Variants in NBPF12 observed in about 807,000 individuals in gnomAD.
The protein encoded by NBPF12 is NBPF member 12.
In NBPF12, 115 loss-of-function variants were observed where a neutral mutation model predicts 146.4. That is an observed-to-expected ratio of 0.79 (90% CI 0.68 to 0.92). NBPF12 has a LOEUF of 0.92. Ranked by LOEUF, NBPF12 falls within the 40% of genes least tolerant of loss-of-function variation. The pLI, the probability that NBPF12 is intolerant of heterozygous loss-of-function variation, is 0.00. For missense variants in NBPF12, 1,205 were observed against 1,326.8 expected (o/e 0.91, Z 1.43); for synonymous variants, 385 against 508.9 (o/e 0.76, Z 3.28).
chr1:146,939,351 G>A (rs1654689474), intron 1 of NBPF12, among the ~76,000 whole-genome samples: 1 of 152,078 alleles, frequency 6.6e-6, no homozygotes, highest in Non-Finnish European at 1.5e-5. Flanking sequence ...ACTTGGGCAA[G>A]AGCGCTCGCG....
chr1:146,978,671 C>T (rs1291416181), intron 18 of NBPF12, among the ~76,000 whole-genome samples: 4 of 149,872 alleles, frequency 2.7e-5, no homozygotes, highest in Admixed American at 1.4e-4. Context: ...ATTGTTTGAC[C>T]AATTTTTGGA....
At chr1:146,945,104 C>G (rs1654989465), upstream of NBPF12, among the ~76,000 whole-genome samples, 1 of 147,678 alleles carries the variant, frequency 6.8e-6, no homozygotes, top group Non-Finnish European at 1.5e-5. Flanking sequence ...CCTTCCCTCC[C>G]TCCCTCCATT....
At chr1:146,946,655 C>T (rs2101815407), upstream of NBPF12, among the ~76,000 whole-genome samples, 1 of 146,174 alleles carries the variant, frequency 6.8e-6, no homozygotes, top group Admixed American at 6.9e-5. Flanking sequence ...ATTCTCTTAA[C>T]AGTGTCTTTC....
At chr1:146,977,929 G>C (rs1464986608) in intron 18 of NBPF12, among the ~76,000 whole-genome samples, 33 of 152,134 alleles carry the variant, frequency 2.2e-4, no homozygotes, top group African/African-American at 4.6e-4. Context: ...GGCAGTATCT[G>C]TCAGGCCTCC....
At chr1:146,948,716 C>T (rs1232954492), upstream of NBPF12, among the ~76,000 whole-genome samples, 4 of 151,840 alleles carry the variant, frequency 2.6e-5, no homozygotes, top group East Asian at 1.9e-4. Context: ...GACTGTCCCC[C>T]AGCCCGACAC....
Position 146,966,449 on chromosome 1 carries a change from C to G in NBPF12, c.779-15C>G, listed in dbSNP as rs1189219929. ...AGTTTTTAACCCATCATGTGTTTGC[C>G]TTTCTTCTCCCCAGTCCCTGGCCCC... On this transcript the variant is annotated splice_polypyrimidine_tract_variant and intron_variant, in intron 8 of 33. Coordinates refer to ENST00000617844, the Ensembl canonical transcript of NBPF12. The G allele has an allele frequency of 2.3e-4, 310 of 1,345,666 alleles. No individual in the cohort carries two copies. Among genetic ancestry groups the G allele is most frequent in the Non-Finnish European group, 3.0e-4 (283 of 938,950 alleles). 83.4% of individuals were successfully genotyped at this position (1,345,666 alleles called of 1,614,324 possible).
intron 11 of NBPF12, among the ~76,000 whole-genome samples, chr1:146,970,121 C>T (rs1466075474): frequency 6.6e-6 from 1 of 150,532 alleles, no homozygotes; most frequent in African/African-American, 2.5e-5. Context: ...TTGGGGAAGG[C>T]ACTTGATGTG....
exon 13 of NBPF12, chr1:146,971,327 C>T: frequency 4.3e-6 from 7 of 1,612,184 alleles, no homozygotes; most frequent in Non-Finnish European, 5.9e-6. Flanking sequence ...ACAAAGTCAA[C>T]TCATCTCTGG....
intron 2 of NBPF12, among the ~76,000 whole-genome samples, chr1:146,955,792 G>C (rs1655557894): frequency 6.6e-6 from 1 of 151,602 alleles, no homozygotes; most frequent in Non-Finnish European, 1.5e-5. Flanking sequence ...AGTCCCTTCA[G>C]ATCTCCAATA....
rs1655895734 is a variant in NBPF12 at position 146,962,274 on chromosome 1, C to G, written c.278+11C>G. The G allele has an allele frequency of 1.9e-6, 3 of 1,600,918 alleles. No individual in the cohort carries two copies. The highest frequency in any genetic ancestry group is 4.5e-5 in the East Asian group (2 of 44,870). On this transcript the variant is annotated intron_variant, in intron 5 of 33. Transcript: ENST00000617844. The stretch of plus-strand genomic sequence containing the variant: ...AGCTGAGGAGCTCAGGTGAGGGGAC[C>G]CCATGGGGGGAGGCAGGCGGGTAGG...
chr1:146,977,110 G>A, intron 17 of NBPF12, 109 bp downstream of exon 20: 4 of 754,252 alleles, frequency 5.3e-6, no homozygotes, highest in Middle Eastern at 3.7e-4. Flanking sequence ...CATTCGCTTG[G>A]CCACAGTATG....
chr1:146,986,056 G>T (rs1657735644), intron 23 of NBPF12, among the ~76,000 whole-genome samples: 2 of 151,932 alleles, frequency 1.3e-5, no homozygotes, highest in African/African-American at 4.9e-5. Flanking sequence ...TGTTCACTGT[G>T]TGTCCCGAGG....
chr1:146,957,578 C>T lies in NBPF12; in HGVS notation c.-183-2281C>T, dbSNP rs1268904960. The T allele has an allele frequency of 1.7e-4, 24 of 139,796 alleles. 5 individuals are homozygous for T. Among genetic ancestry groups the T allele is most frequent in the East Asian group, 4.9e-4 (2 of 4,118 alleles). The allele number at this position is 139,796 out of a possible 1,614,324, so 8.7% of individuals were successfully genotyped here. On this transcript the variant is annotated intron_variant, in intron 2 of 33. Transcript: ENST00000617844. ...ATGTTGAGGAAGGTTTTCCCTGGGA[C>T]GGTGGCACAGATGGAAGGTGGGTCC...
At chr1:146,971,984 A>G (rs1656661830) in intron 13 of NBPF12, among the ~76,000 whole-genome samples, 2 of 148,556 alleles carry the variant, frequency 1.3e-5, no homozygotes, top group African/African-American at 5.1e-5. Flanking sequence ...GCTACTTGGG[A>G]GGCTGAGGCA....
intron 2 of NBPF12, among the ~76,000 whole-genome samples, chr1:146,944,151 T>A (rs1654918969): frequency 7.9e-6 from 1 of 126,066 alleles, no homozygotes. Flanking sequence ...GGACTTAGAA[T>A]TTATGGGCCA....
exon 8 of NBPF12, chr1:146,965,072 A>T: frequency 6.2e-7 from 1 of 1,604,028 alleles, no homozygotes; most frequent in South Asian, 1.1e-5. Flanking sequence ...TCCTCTCATG[A>T]TGAATGTCAG....
intron 1 of NBPF12, among the ~76,000 whole-genome samples, chr1:146,939,473 G>A (rs1464418139): frequency 6.6e-6 from 1 of 151,992 alleles, no homozygotes; most frequent in Non-Finnish European, 1.5e-5. Flanking sequence ...ATGCATGTGA[G>A]GAGCGTTTGT....
At chr1:146,949,942 G>A (rs1553883740) in intron 1 of NBPF12, among the ~76,000 whole-genome samples, 22,365 of 150,796 alleles carry the variant, frequency 0.15, 2,023 homozygotes, top group Admixed American at 0.27. Context: ...GCTCTGTCAT[G>A]TGTGGAGTGA....
chr1:146,971,544 C>A, intron 13 of NBPF12, 150 bp downstream of exon 16: 1 of 734,932 alleles, frequency 1.4e-6, no homozygotes. Context: ...AATCACAGCA[C>A]TTTGGAAGGC....
Sources: allele counts gnomAD v4.1 joint callset (sites outside exome capture counted in the v4.1 genomes callset), GRCh38; gene constraint gnomAD v4.1.1; transcripts MANE v1.5; gene names NCBI Gene and HGNC (gene_info 2026-07-23, HGNC 2026-07-21).